The following ERC1 variants were observed in gnomAD, a reference collection of about 807,000 sequenced individuals.
The protein encoded by ERC1 is ELKS/RAB6-interacting/CAST family member 1.
A neutral mutation model predicts 132.0 loss-of-function variants in ERC1; 56 were observed. The observed-to-expected ratio is 0.42, with a 90% CI of 0.34 to 0.53. ERC1 has a LOEUF of 0.53. Among genes scored for constraint, ERC1 ranks in the 20% least tolerant of loss-of-function variants. The probability of loss-of-function intolerance (pLI) is 0.03; values close to 1 mark genes in which losing one functional copy is unlikely to be tolerated. For synonymous variants in ERC1, 478 were observed against 476.1 expected (o/e 1.00, Z -0.05); for missense variants, 1,202 against 1,349.9 (o/e 0.89, Z 1.72).
chr12:1,449,323 T>G (rs961277338), intron 18 of ERC1, among the ~76,000 whole-genome samples: 5 of 152,154 alleles, frequency 3.3e-5, no homozygotes, highest in African/African-American at 1.2e-4. Flanking sequence ...ACATGAGATT[T>G]GGGAGGGGCC....
intron 9 of ERC1, among the ~76,000 whole-genome samples, 182 bp downstream of exon 9, chr12:1,180,859 G>GC (rs1036652779): frequency 6.7e-6 from 1 of 148,512 alleles, no homozygotes; most frequent in Non-Finnish European, 1.5e-5. Flanking sequence ...CTGTGCCCAG[G>GC]CTGGAGTGCA....
chr12:1,401,787 G>T (rs757463056), intron 16 of ERC1, among the ~76,000 whole-genome samples: 1 of 151,012 alleles, frequency 6.6e-6, no homozygotes, highest in Non-Finnish European at 1.5e-5. Context: ...AAAAGTACAC[G>T]TAGATTTACC....
At chr12:1,466,837 G>T (rs2093752973) in intron 18 of ERC1, among the ~76,000 whole-genome samples, 1 of 152,136 alleles carries the variant, frequency 6.6e-6, no homozygotes, top group Non-Finnish European at 1.5e-5. Flanking sequence ...ATGAAATCAG[G>T]AATTTTCCGG....
chr12:991,952 T>G (rs965186611), intron 1 of ERC1, among the ~76,000 whole-genome samples: 10 of 146,716 alleles, frequency 6.8e-5, no homozygotes, highest in Non-Finnish European at 1.3e-4. Flanking sequence ...GTTTCTACTT[T>G]AGGGTTCGAT....
rs141635669 is a variant in ERC1, at chr12:1,145,772, G to A, written c.1737+3985G>A. ...GTATAAGGTGAGAGATGAAGATCCG[G>A]TTTCATTTTTCACATGTGGCTTGCC... On this transcript the variant is annotated intron_variant, in intron 8 of 18. Transcript: ENST00000360905. Among the ~76,000 whole-genome samples the A allele has an allele frequency of 1.4e-3, 207 of 152,216 alleles. 3 individuals are homozygous for A. The highest frequency in any genetic ancestry group is 9.4e-3 in the East Asian group (49 of 5,190).
intron 18 of ERC1, among the ~76,000 whole-genome samples, chr12:1,478,565 G>A (rs910882639): frequency 7.2e-5 from 11 of 152,188 alleles, no homozygotes; most frequent in African/African-American, 1.9e-4. Context: ...AGGCCGAGGC[G>A]GGTGGATCAC....
intron 12 of ERC1, among the ~76,000 whole-genome samples, chr12:1,214,732 G>C (rs1334257076): frequency 6.6e-6 from 1 of 151,600 alleles, no homozygotes; most frequent in Non-Finnish European, 1.5e-5. Context: ...AAAAGGATAT[G>C]TTAGTAACCT....
chr12:1,153,371 A>G (rs1280574680), intron 8 of ERC1, among the ~76,000 whole-genome samples: 1 of 152,214 alleles, frequency 6.6e-6, no homozygotes, highest in Admixed American at 6.5e-5. Context: ...TGCCTTTGGT[A>G]TTTTGACTCT....
chr12:1,046,152 T>A (rs1187058158), intron 2 of ERC1, among the ~76,000 whole-genome samples: 1 of 152,156 alleles, frequency 6.6e-6, no homozygotes, highest in African/African-American at 2.4e-5. Context: ...CATGACTACA[T>A]AGTATTACTG....
At chr12:1,215,704 G>T (rs890053776) in intron 12 of ERC1, among the ~76,000 whole-genome samples, 1 of 152,120 alleles carries the variant, frequency 6.6e-6, no homozygotes, top group African/African-American at 2.4e-5. Context: ...ATGAGTGCAT[G>T]TATGCTCTTA....
chr12:1,435,466 A>C (rs754045506), intron 17 of ERC1, among the ~76,000 whole-genome samples: 4 of 152,226 alleles, frequency 2.6e-5, no homozygotes, highest in Non-Finnish European at 5.9e-5. Context: ...ATTTTAGTTT[A>C]TAGTACTGAG....
chr12:1,409,442 A>G (rs2154395056), intron 17 of ERC1, among the ~76,000 whole-genome samples: 1 of 152,308 alleles, frequency 6.6e-6, no homozygotes, highest in South Asian at 2.1e-4. Flanking sequence ...ACAAACAGAG[A>G]AAGGTTGAAG....
At chr12:1,171,333 A>G (rs1953037142) in intron 8 of ERC1, among the ~76,000 whole-genome samples, 1 of 150,610 alleles carries the variant, frequency 6.6e-6, no homozygotes. Flanking sequence ...TTTAGATGTC[A>G]GCAATAGTCT....
intron 15 of ERC1, among the ~76,000 whole-genome samples, chr12:1,366,745 C>G (rs559802618): frequency 2.6e-5 from 4 of 152,184 alleles, no homozygotes; most frequent in African/African-American, 9.6e-5. Flanking sequence ...CGTGCACAGA[C>G]AAAACAGTGG....
intron 2 of ERC1, among the ~76,000 whole-genome samples, chr12:1,065,858 T>TG (rs1447641625): frequency 3.3e-5 from 5 of 152,190 alleles, no homozygotes; most frequent in African/African-American, 1.2e-4. Context: ...TTCTGATACA[T>TG]GCTGCAGTGT....
At chr12:1,480,877 CT>C in intron 18 of ERC1, 1 of 702,422 alleles carries the variant, frequency 1.4e-6, no homozygotes, top group Non-Finnish European at 2.6e-6. Flanking sequence ...GAAAAACTGC[CT>C]TTTTTCATGT....
intron 18 of ERC1, among the ~76,000 whole-genome samples, chr12:1,488,952 TC>T (rs1404860835): frequency 6.6e-6 from 1 of 152,302 alleles, no homozygotes; most frequent in East Asian, 1.9e-4. Flanking sequence ...GGTGGACTCT[TC>T]CTTCTGCTCA....
chr12:1,440,293 C>T (rs1192254354), intron 17 of ERC1, among the ~76,000 whole-genome samples: 3 of 147,492 alleles, frequency 2.0e-5, no homozygotes, highest in East Asian at 2.0e-4. Flanking sequence ...CAAGCTCCGC[C>T]TCCTGGGTTC....
rs573681390 is a variant in ERC1 at position 1,345,187 on chromosome 12, C to CTTTTTTTTTTTTTTTTTT, written c.2781-26635_2781-26634insTTTTTTTTTTTTTTTTTT. Among the ~76,000 whole-genome samples the CTTTTTTTTTTTTTTTTTT allele has an allele frequency of 1.5e-4, 20 of 131,486 alleles. 1 individual carries two copies. Among genetic ancestry groups the CTTTTTTTTTTTTTTTTTT allele is most frequent in the African/African-American group, 4.7e-4 (16 of 33,802 alleles). 86.3% of individuals were successfully genotyped at this position (131,486 alleles called of 152,430 possible). Reference sequence around the variant, plus strand: ...AGAGAATTTCAGTAGAATATTTCTTCTTTTTTTTTTTGAGACGGAGTCTCA... The same window carrying CTTTTTTTTTTTTTTTTTT: ...AGAGAATTTCAGTAGAATATTTCTTCTTTTTTTTTTTTTTTTTTTTTTTTTTTTTGAGACGGAGTCTCA... On this transcript the variant is annotated intron_variant, in intron 15 of 18. Coordinates refer to ENST00000360905, the MANE Select transcript of ERC1 (RefSeq NM_178040.4).
Sources: gnomAD v4.1 joint callset for allele counts (sites outside exome capture counted in the v4.1 genomes callset) on GRCh38, gnomAD v4.1.1 for gene constraint, MANE v1.5 for transcripts, NCBI Gene and HGNC (gene_info 2026-07-23, HGNC 2026-07-21) for gene names.